Variants in PARM1 observed in about 807,000 individuals in gnomAD.
The protein encoded by PARM1 is prostate androgen-regulated mucin-like protein 1.
A neutral mutation model predicts 24.6 loss-of-function variants in PARM1; 14 were observed. The observed-to-expected ratio is 0.57, with a 90% CI of 0.38 to 0.89. PARM1 has a LOEUF of 0.89. Among genes scored for constraint, PARM1 ranks in the 40% least tolerant of loss-of-function variants. PARM1 has a pLI of 0.00. For missense variants in PARM1, 362 were observed against 380.4 expected, an observed-to-expected ratio of 0.95 and a Z score of 0.40; for synonymous variants, 179 against 156.6, an observed-to-expected ratio of 1.14 and a Z score of -1.07.
chr4:75,046,253 G>A lies in PARM1; in HGVS notation c.*6G>A. 1 of 1,571,578 alleles carries A rather than the reference G, an allele frequency of 6.4e-7. No individual in the cohort carries two copies. The highest frequency in any genetic ancestry group is 8.8e-7 in the Non-Finnish European group (1 of 1,141,284). ...CTCTGTACGATGACTCCTAACAATGGAATATGGCCTGGGATGAGGATTAAC... is the reference window on the plus strand; with the variant it reads ...CTCTGTACGATGACTCCTAACAATGAAATATGGCCTGGGATGAGGATTAAC... On this transcript the variant is annotated 3_prime_UTR_variant, in exon 4 of 4. Transcript: ENST00000307428.
chr4:74,979,527 G>T (rs1722205395), intron 1 of PARM1, among the ~76,000 whole-genome samples: 1 of 152,076 alleles, frequency 6.6e-6, no homozygotes, highest in Non-Finnish European at 1.5e-5. Flanking sequence ...AATTGTACCA[G>T]AGGTACAAAG....
intron 1 of PARM1, among the ~76,000 whole-genome samples, chr4:74,975,448 A>G (rs1044911915): frequency 1.3e-5 from 2 of 152,254 alleles, no homozygotes; most frequent in African/African-American, 2.4e-5. Context: ...GTTGAAAGAC[A>G]TAACTATGGC....
intron 2 of PARM1, among the ~76,000 whole-genome samples, chr4:75,022,258 A>T (rs904332832): frequency 3.9e-5 from 6 of 152,210 alleles, no homozygotes; most frequent in Admixed American, 2.6e-4. Flanking sequence ...CTTTAAACTT[A>T]GTTTAAACCT....
intron 3 of PARM1, among the ~76,000 whole-genome samples, chr4:75,035,520 G>A (rs1278456661): frequency 2.6e-5 from 4 of 151,964 alleles, no homozygotes; most frequent in Non-Finnish European, 4.4e-5. Flanking sequence ...TTGACCCCAC[G>A]TGGAGCTCAT....
intron 3 of PARM1, among the ~76,000 whole-genome samples, chr4:75,043,944 T>G (rs1230563843): frequency 1.3e-5 from 2 of 152,078 alleles, no homozygotes; most frequent in Non-Finnish European, 2.9e-5. Context: ...CTTCAGGTTT[T>G]CAGGTACATA....
chr4:74,963,803 A>T (rs75883113), intron 1 of PARM1, among the ~76,000 whole-genome samples: 4,348 of 152,268 alleles, frequency 0.029, 203 homozygotes, highest in African/African-American at 0.098. Context: ...TAAAATGGCA[A>T]ATTTTGTAAT....
At chr4:74,935,911 G>A (rs1055792821) in intron 1 of PARM1, among the ~76,000 whole-genome samples, 1 of 152,148 alleles carries the variant, frequency 6.6e-6, no homozygotes, top group African/African-American at 2.4e-5. Flanking sequence ...CGCGATTCCA[G>A]TTCCACTGCA....
rs58191374 is a variant in PARM1 at position 74,974,637 on chromosome 4, C to G, written c.44-37788C>G. The stretch of plus-strand genomic sequence containing the variant: ...ATGTGAATGCACATGTTATTGTGAC[C>G]TCCCAAACTTTGGCCTGAGGGGGTG... On this transcript the variant is annotated intron_variant, in intron 1 of 3. Coordinates refer to ENST00000307428, the MANE Select transcript of PARM1 (RefSeq NM_015393.4). Among the ~76,000 whole-genome samples, 747 of 152,288 alleles carry G rather than the reference C, an allele frequency of 4.9e-3. 4 individuals are homozygous for G. Among genetic ancestry groups the G allele is most frequent in the African/African-American group, 0.017 (692 of 41,570 alleles).
At chr4:75,007,776 GC>G (rs1043837564) in intron 1 of PARM1, among the ~76,000 whole-genome samples, 3 of 152,162 alleles carry the variant, frequency 2.0e-5, no homozygotes, top group Non-Finnish European at 4.4e-5. Flanking sequence ...TGTGGGTGGG[GC>G]CCTTATGATG....
chr4:74,934,024 T>C (rs1430054408), intron 1 of PARM1, among the ~76,000 whole-genome samples: 1 of 152,040 alleles, frequency 6.6e-6, no homozygotes, highest in Non-Finnish European at 1.5e-5. Context: ...AAGAAACTAT[T>C]AACTTGGCTA....
chr4:74,976,463 G>A lies in PARM1; in HGVS notation c.44-35962G>A, dbSNP rs72860949. Among the ~76,000 whole-genome samples the A allele has an allele frequency of 4.9e-3, 747 of 152,352 alleles. 4 individuals are homozygous for A. The highest frequency in any genetic ancestry group is 0.017 in the African/African-American group (691 of 41,590). On this transcript the variant is annotated intron_variant, in intron 1 of 3. Coordinates refer to ENST00000307428, the MANE Select transcript of PARM1 (RefSeq NM_015393.4). ...AGAACTCTGAACTCTCTGGGATGGAGACCCTGGGAGGAGGGGTGGCCACAG... is the reference window on the plus strand; with the variant it reads ...AGAACTCTGAACTCTCTGGGATGGAAACCCTGGGAGGAGGGGTGGCCACAG...
At position 75,046,331 on chromosome 4, in the gene PARM1, C is replaced by A; in HGVS notation, c.*84C>A. On this transcript the variant is annotated 3_prime_UTR_variant, in exon 4 of 4. Transcript: ENST00000307428. ...GTAGAATTAATAAGTACCTGATGCG[C>A]ATTGAACGACAATCTTAAGCCCTGT... 2 of 853,018 alleles carry A rather than the reference C, an allele frequency of 2.3e-6. No homozygotes were observed. Among genetic ancestry groups the A allele is most frequent in the South Asian group, 1.5e-5 (1 of 65,596 alleles). 52.8% of individuals were successfully genotyped at this position (853,018 alleles called of 1,614,324 possible). A position where few individuals can be genotyped will look rare whatever the true frequency, so the allele number is the denominator to read the frequency against.
intron 1 of PARM1, among the ~76,000 whole-genome samples, chr4:75,011,629 A>G (rs1722872602): frequency 6.6e-6 from 1 of 152,174 alleles, no homozygotes; most frequent in Non-Finnish European, 1.5e-5. Context: ...AAGTGCAGGG[A>G]AGGAGAAAGG....
rs1337017133 is a variant in PARM1 at position 75,012,692 on chromosome 4, C to T, written c.311C>T (p.Pro104Leu). Residue 104 changes from proline (P) to leucine (L), a missense_variant, in exon 2 of 4, where the codon CCC becomes CTC. By Grantham distance (98) the Pro-to-Leu change is moderately conservative. Coordinates refer to ENST00000307428, the MANE Select transcript of PARM1 (RefSeq NM_015393.4). ...AATTGGGAAGGCACAAACACAGACC[C>T]CTCACCTTCTGGGTTCTCGTCAACA... ...GSNWEGTNTDPSPSGFSSTSG... is the reference protein window; with the variant it reads ...GSNWEGTNTDLSPSGFSSTSG... 6.2e-7 allele frequency: 1 copy of T among 1,613,854 alleles called. No individual in the cohort carries two copies. Among genetic ancestry groups the T allele is most frequent in the East Asian group, 2.2e-5 (1 of 44,886 alleles).
At chr4:75,024,197 G>A (rs1277920533) in intron 2 of PARM1, among the ~76,000 whole-genome samples, 2 of 152,008 alleles carry the variant, frequency 1.3e-5, no homozygotes, top group Non-Finnish European at 2.9e-5. Context: ...GCGTGAACCC[G>A]GGAGGCGGAG....
chr4:75,013,574 A>G (rs1402167368), intron 2 of PARM1, among the ~76,000 whole-genome samples: 2 of 152,228 alleles, frequency 1.3e-5, no homozygotes, highest in Non-Finnish European at 2.9e-5. Context: ...GTGGAGATTA[A>G]CTGAAATGAC....
chr4:74,987,843 T>G (rs970973340), intron 1 of PARM1, among the ~76,000 whole-genome samples: 1 of 152,236 alleles, frequency 6.6e-6, no homozygotes, highest in Non-Finnish European at 1.5e-5. Flanking sequence ...TGATCTTTGT[T>G]CTCATTTCAG....
intron 1 of PARM1, among the ~76,000 whole-genome samples, chr4:74,948,540 A>G (rs1458899677): frequency 6.6e-6 from 1 of 152,200 alleles, no homozygotes; most frequent in Non-Finnish European, 1.5e-5. Context: ...TAAGACAAAT[A>G]CATCTTATAG....
intron 1 of PARM1, among the ~76,000 whole-genome samples, chr4:75,001,525 T>C (rs908016110): frequency 1.3e-5 from 2 of 152,230 alleles, no homozygotes; most frequent in Non-Finnish European, 2.9e-5. Context: ...AAAGGTTCTG[T>C]ATCTTGATCT....
Sources: gnomAD v4.1 joint callset for allele counts (sites outside exome capture counted in the v4.1 genomes callset) on GRCh38, gnomAD v4.1.1 for gene constraint, MANE v1.5 for transcripts, NCBI Gene and HGNC (gene_info 2026-07-23, HGNC 2026-07-21) for gene names.